Variants in TRIM44 observed in about 807,000 individuals in gnomAD.
TRIM44 encodes tripartite motif-containing protein 44.
TRIM44 carries 13 observed loss-of-function variants against 37.4 expected under a neutral mutation model. That is an observed-to-expected ratio of 0.35 (90% CI 0.23 to 0.55). TRIM44 has a LOEUF of 0.55. Among genes scored for constraint, TRIM44 ranks in the 20% least tolerant of loss-of-function variants. The pLI is 0.89. For synonymous variants in TRIM44, 175 were observed against 157.2 expected (o/e 1.11, Z -0.85); for missense variants, 426 against 437.2 (o/e 0.97, Z 0.23).
chr11:35,778,149 T>A lies in TRIM44; in HGVS notation c.1008-28209T>A, dbSNP rs545441928. ...GTCCCATATTTCTTGGAGGCTTTGT[T>A]CGTTTCTTTTTACTCTTTTTTCTCT... On this transcript the variant is annotated intron_variant, in intron 4 of 4. Coordinates refer to ENST00000299413, the MANE Select transcript of TRIM44 (RefSeq NM_017583.6). Among the ~76,000 whole-genome samples, 3 of 152,338 alleles carry A rather than the reference T, an allele frequency of 2.0e-5. 1 individual carries two copies. The highest frequency in any genetic ancestry group is 7.2e-5 in the African/African-American group (3 of 41,578).
At chr11:35,700,452 A>G (rs567893013) in intron 2 of TRIM44, among the ~76,000 whole-genome samples, 92 of 152,328 alleles carry the variant, frequency 6.0e-4, no homozygotes, top group Non-Finnish European at 9.4e-4. Context: ...CCAAATGTAC[A>G]TTTCATTCTC....
In TRIM44 at chr11:35,677,414, A is replaced by T. The variant is rs937794114; in HGVS notation, c.670-7845A>T. ...TATATATAATTTTAATTAGTAAAAT[A>T]TTTTTTTTATTTTGTTCTATTCAGC... On this transcript the variant is annotated intron_variant, in intron 1 of 4. Transcript: ENST00000299413. Among the ~76,000 whole-genome samples the T allele has an allele frequency of 9.9e-5, 15 of 151,064 alleles. No individual in the cohort carries two copies. In the South Asian group the frequency reaches 2.1e-3, roughly 21 times the overall value.
At chr11:35,802,583 A>G (rs1485067513) in intron 4 of TRIM44, among the ~76,000 whole-genome samples, 1 of 152,166 alleles carries the variant, frequency 6.6e-6, no homozygotes, top group African/African-American at 2.4e-5. Context: ...ACTTCCTGGA[A>G]AGTAATTACA....
At position 35,814,636 on chromosome 11, in the gene TRIM44, T is replaced by C. The variant is rs562173420; in HGVS notation, c.*8251T>C. On this transcript the variant is annotated 3_prime_UTR_variant, in exon 5 of 5. Coordinates refer to ENST00000299413, the MANE Select transcript of TRIM44 (RefSeq NM_017583.6). ...AAACATGTGCCACGCTGATTATATA[T>C]AGAGATGGTCTAAATCAGCTGCATC... 2 of 152,272 alleles carry C rather than the reference T, an allele frequency of 1.3e-5. No individual in the cohort carries two copies. The highest frequency in any genetic ancestry group is 4.1e-4 in the South Asian group (2 of 4,824). 9.4% of individuals were successfully genotyped at this position (152,272 alleles called of 1,614,324 possible).
intron 4 of TRIM44, among the ~76,000 whole-genome samples, chr11:35,793,847 A>G (rs2956333): frequency 0.16 from 24,698 of 151,800 alleles, 2,256 homozygotes; most frequent in Admixed American, 0.3. Context: ...TCCTTTGTCT[A>G]CTCTGTATTT....
In TRIM44 at chr11:35,787,320, TTAAACACCAGC is replaced by T. The variant is rs1853143035; in HGVS notation, c.1008-19037_1008-19027del. ...ATGGTATGGTTAAACAACCATATTC[TTAAACACCAGC>T]AAAGCACAAAAGAAAAACAGGATGA... On this transcript the variant is annotated intron_variant, in intron 4 of 4. Coordinates refer to ENST00000299413, the MANE Select transcript of TRIM44 (RefSeq NM_017583.6). 2.6e-5 allele frequency among the ~76,000 whole-genome samples: 4 copies of T among 152,214 alleles called. No individual in the cohort carries two copies. The South Asian group carries it at 8.3e-4, about 32-fold the overall frequency.
At chr11:35,801,851 C>T (rs1175469427) in intron 4 of TRIM44, among the ~76,000 whole-genome samples, 2 of 152,122 alleles carry the variant, frequency 1.3e-5, no homozygotes, top group Non-Finnish European at 2.9e-5. Context: ...GCTCCCAGTT[C>T]CTTTAGCTAA....
chr11:35,678,379 G>C lies in TRIM44; in HGVS notation c.670-6880G>C, dbSNP rs78043189. 1.0e-3 allele frequency among the ~76,000 whole-genome samples: 157 copies of C among 152,182 alleles called. 2 individuals carry two copies. In the East Asian group the frequency reaches 0.027, roughly 26 times the overall value. Reference sequence around the variant, plus strand: ...TTCGGCCTAAAAAGACTTGCTGATGGATTTTTTTTCAGACCCAAGAATGAC... The same window carrying C: ...TTCGGCCTAAAAAGACTTGCTGATGCATTTTTTTTCAGACCCAAGAATGAC... On this transcript the variant is annotated intron_variant, in intron 1 of 4. Transcript: ENST00000299413.
intron 4 of TRIM44, among the ~76,000 whole-genome samples, chr11:35,777,638 T>G (rs1321267284): frequency 6.6e-6 from 1 of 152,226 alleles, no homozygotes; most frequent in East Asian, 1.9e-4. Flanking sequence ...GGAGCTCTTG[T>G]AAGGCAGGCC....
intron 4 of TRIM44, among the ~76,000 whole-genome samples, chr11:35,736,085 C>G (rs2135521153): frequency 6.6e-6 from 1 of 152,212 alleles, no homozygotes; most frequent in African/African-American, 2.4e-5. Flanking sequence ...CTGGGAAAAG[C>G]TACAGCTGTG....
chr11:35,796,828 G>A lies in TRIM44; in HGVS notation c.1008-9530G>A, dbSNP rs552092955. 1.4e-4 allele frequency among the ~76,000 whole-genome samples: 22 copies of A among 152,290 alleles called. 1 individual carries two copies. The East Asian group carries it at 4.0e-3, about 28-fold the overall frequency. On this transcript the variant is annotated intron_variant, in intron 4 of 4. Coordinates refer to ENST00000299413, the MANE Select transcript of TRIM44 (RefSeq NM_017583.6). The stretch of plus-strand genomic sequence containing the variant: ...TGAGTAATGTAGAAGTTATTTTAAA[G>A]AGATGGAACAGATAGACCCATACAT...
At chr11:35,729,597 A>G (rs1852227552) in intron 3 of TRIM44, among the ~76,000 whole-genome samples, 1 of 152,142 alleles carries the variant, frequency 6.6e-6, no homozygotes, top group Admixed American at 6.5e-5. Context: ...TGTAGTAATG[A>G]TTTGGTTTCC....
intron 4 of TRIM44, among the ~76,000 whole-genome samples, chr11:35,744,102 G>A (rs529179646): frequency 7.3e-4 from 111 of 152,278 alleles, no homozygotes; most frequent in African/African-American, 2.6e-3. Context: ...TTGTTCAATG[G>A]ATAAATTATC....
intron 2 of TRIM44, among the ~76,000 whole-genome samples, chr11:35,693,753 C>T (rs1851664165): frequency 6.6e-6 from 1 of 152,134 alleles, no homozygotes; most frequent in Non-Finnish European, 1.5e-5. Flanking sequence ...TTTTGGGTTT[C>T]CAGTCTCAGC....
At chr11:35,702,533 A>G (rs1002664028) in intron 2 of TRIM44, among the ~76,000 whole-genome samples, 8 of 152,210 alleles carry the variant, frequency 5.3e-5, no homozygotes, top group Admixed American at 2.0e-4. Context: ...CTGTGACTCA[A>G]GCACTCACAG....
Position 35,729,748 on chromosome 11 carries a change from T to C in TRIM44, c.987+3585T>C, listed in dbSNP as rs192711956. Among the ~76,000 whole-genome samples the C allele has an allele frequency of 8.5e-5, 13 of 152,344 alleles. No homozygotes were observed. The East Asian group carries it at 2.5e-3, about 29-fold the overall frequency. On this transcript the variant is annotated intron_variant, in intron 3 of 4. Coordinates refer to ENST00000299413, the MANE Select transcript of TRIM44 (RefSeq NM_017583.6). Reference sequence around the variant, plus strand: ...TAGTTCACAAAAAGGATCCAGGACATGCATTCTGAATCTAAACAGGTTGAC... The same window carrying C: ...TAGTTCACAAAAAGGATCCAGGACACGCATTCTGAATCTAAACAGGTTGAC...
intron 1 of TRIM44, among the ~76,000 whole-genome samples, chr11:35,675,590 C>T (rs897384726): frequency 6.6e-6 from 1 of 152,150 alleles, no homozygotes; most frequent in South Asian, 2.1e-4. Context: ...GGCACGATGT[C>T]GGCTCACTGC....
rs1373829257 is a variant in TRIM44 at position 35,694,445 on chromosome 11, A to T, written c.747+9109A>T. On this transcript the variant is annotated intron_variant, in intron 2 of 4. Transcript: ENST00000299413. ...AGTTTCTCACCTACATTGGGCCTTC[A>T]TCTTTTACCTTATAAAGTATAAGGT... is the stretch of plus-strand genomic sequence containing the variant. 3.9e-5 allele frequency among the ~76,000 whole-genome samples: 6 copies of T among 152,264 alleles called. 1 individual carries two copies. Among genetic ancestry groups the T allele is most frequent in the African/African-American group, 1.4e-4 (6 of 41,580 alleles).
In TRIM44 at chr11:35,808,560, A is replaced by T. The variant is rs1237438952; in HGVS notation, c.*2175A>T. ...TTTGAATCAGTATTTGGGAAATTCA[A>T]GCATTTATGCAGTGGATATAAATGG... On this transcript the variant is annotated 3_prime_UTR_variant, in exon 5 of 5. Coordinates refer to ENST00000299413, the MANE Select transcript of TRIM44 (RefSeq NM_017583.6). 6.6e-6 allele frequency: 1 copy of T among 152,196 alleles called. No individual in the cohort carries two copies. The highest frequency in any genetic ancestry group is 1.5e-5 in the Non-Finnish European group (1 of 68,026). 9.4% of individuals were successfully genotyped at this position (152,196 alleles called of 1,614,324 possible).
Sources: gnomAD v4.1 joint callset for allele counts (sites outside exome capture counted in the v4.1 genomes callset) on GRCh38, gnomAD v4.1.1 for gene constraint, MANE v1.5 for transcripts, NCBI Gene and HGNC (gene_info 2026-07-23, HGNC 2026-07-21) for gene names.